Variants in ARHGAP39 observed in about 807,000 individuals in gnomAD.
ARHGAP39 encodes Rho GTPase activating protein 39, also known as rho GTPase-activating protein 39.
Under a neutral mutation model 106.9 loss-of-function variants are expected in ARHGAP39, and 44 were observed. The observed-to-expected ratio is 0.41, with a 90% confidence interval of 0.32 to 0.53. ARHGAP39 has a LOEUF of 0.53. Among genes scored for constraint, ARHGAP39 ranks in the 20% least tolerant of loss-of-function variants. The pLI, the probability that ARHGAP39 is intolerant of heterozygous loss-of-function variation, is 0.21. For synonymous variants in ARHGAP39, 768 were observed against 693.2 expected, an observed-to-expected ratio of 1.11 and a Z score of -1.69; for missense variants, 1,496 against 1,577.3, an observed-to-expected ratio of 0.95 and a Z score of 0.87.
intron 6 of ARHGAP39, among the ~76,000 whole-genome samples, chr8:144,539,139 G>C (rs1242042730): frequency 6.6e-6 from 1 of 152,178 alleles, no homozygotes; most frequent in Admixed American, 6.5e-5. Flanking sequence ...GGTGTGCGAT[G>C]TGCTTACTGC....
intron 3 of ARHGAP39, among the ~76,000 whole-genome samples, chr8:144,565,224 G>A (rs1364978803): frequency 6.6e-6 from 1 of 152,090 alleles, no homozygotes; most frequent in Non-Finnish European, 1.5e-5. Flanking sequence ...GCTGCAGTGA[G>A]CCGAGCCTGC....
the ARHGAP39 span, among the ~76,000 whole-genome samples, chr8:144,696,987 T>C: frequency 6.6e-6 from 1 of 152,198 alleles, no homozygotes; most frequent in Non-Finnish European, 1.5e-5. Context: ...AATATTTTCA[T>C]ATATGTTATG....
At chr8:144,558,482 G>T (rs1422578115) in intron 3 of ARHGAP39, among the ~76,000 whole-genome samples, 1 of 151,964 alleles carries the variant, frequency 6.6e-6, no homozygotes, top group African/African-American at 2.4e-5. Context: ...TATTAGAGAC[G>T]GGGTTTTGCC....
At position 144,627,999 on chromosome 8, in the gene ARHGAP39, T is replaced by C. The variant is rs115684337; in HGVS notation, c.-81-22304A>G. 8.7e-3 allele frequency among the ~76,000 whole-genome samples: 1,329 copies of C among 152,254 alleles called. 15 individuals carry two copies. Among genetic ancestry groups the C allele is most frequent in the African/African-American group, 0.031 (1,282 of 41,556 alleles). ...CCCAGCTGCATGCAGACCAATGCAG[T>C]GGGCTGGGGGCCGTGTTCCCCAGGA... On this transcript the variant is annotated intron_variant, in intron 1 of 11. Transcript: ENST00000377307.
In ARHGAP39 at chr8:144,670,326, G is replaced by A. The variant is rs961101522; in HGVS notation, c.-82+15360C>T. 6.6e-6 allele frequency among the ~76,000 whole-genome samples: 1 copy of A among 152,214 alleles called. No individual in the cohort carries two copies. Among genetic ancestry groups the A allele is most frequent in the Non-Finnish European group, 1.5e-5 (1 of 68,044 alleles). ...GAAGCAGGATCAGCACCTGGGACCA[G>A]GAGGCTGTGCCCGGGTTCACCACAC... On this transcript the variant is annotated intron_variant, in intron 1 of 11. Transcript: ENST00000377307. This position sits in a 1 kb window ranked among gnomAD's most constrained non-coding sequence, Gnocchi z 4.4.
intron 1 of ARHGAP39, among the ~76,000 whole-genome samples, chr8:144,665,080 G>A (rs1330088733): frequency 6.6e-6 from 1 of 152,232 alleles, no homozygotes; most frequent in Non-Finnish European, 1.5e-5. Flanking sequence ...GGTGGTCTCA[G>A]ATGGAGATAA....
At position 144,604,226 on chromosome 8, in the gene ARHGAP39, G is replaced by A. The variant is rs904870522; in HGVS notation, c.80+1309C>T. ...CAGCTGCACCTCGGGGGGTGCGGGC[G>A]AGGCCTCTGTCGGGGTCAGAGGTCA... On this transcript the variant is annotated intron_variant, in intron 2 of 11. Coordinates refer to ENST00000377307, the MANE Select transcript of ARHGAP39 (RefSeq NM_025251.3). This position sits in a 1 kb window ranked among gnomAD's most constrained non-coding sequence, Gnocchi z 4.1. 6.6e-5 allele frequency among the ~76,000 whole-genome samples: 10 copies of A among 152,200 alleles called. No individual in the cohort carries two copies. Among genetic ancestry groups the A allele is most frequent in the Non-Finnish European group, 1.5e-5 (1 of 68,036 alleles).
chr8:144,597,067 C>A (rs1328924567), intron 2 of ARHGAP39, among the ~76,000 whole-genome samples: 1 of 152,210 alleles, frequency 6.6e-6, no homozygotes, highest in Non-Finnish European at 1.5e-5. Flanking sequence ...TCCCTCTGGG[C>A]CTTGACATCC....
At chr8:144,680,532 G>A (rs1042053850) in intron 1 of ARHGAP39, among the ~76,000 whole-genome samples, 3 of 152,286 alleles carry the variant, frequency 2.0e-5, no homozygotes, top group Middle Eastern at 3.4e-3. Context: ...ATCCGTAGCA[G>A]ATTTTTTCTT....
At chr8:144,582,616 C>T (rs940959389) in intron 2 of ARHGAP39, among the ~76,000 whole-genome samples, 5 of 152,210 alleles carry the variant, frequency 3.3e-5, no homozygotes, top group South Asian at 2.1e-4. Context: ...GGACAGTCCA[C>T]GTGGGGCCAT....
chr8:144,644,846 G>A lies in ARHGAP39; in HGVS notation c.-81-39151C>T, dbSNP rs1280654205. 1.3e-5 allele frequency among the ~76,000 whole-genome samples: 2 copies of A among 152,328 alleles called. No individual in the cohort carries two copies. Among genetic ancestry groups the A allele is most frequent in the East Asian group, 1.9e-4 (1 of 5,180 alleles). On this transcript the variant is annotated intron_variant, in intron 1 of 11. Coordinates refer to ENST00000377307, the MANE Select transcript of ARHGAP39 (RefSeq NM_025251.3). The surrounding 1 kb of genome is among the most constrained non-coding windows in gnomAD (Gnocchi z 4.8). ...AGCCCTGTACCTTCACCCTACACCT[G>A]AGCCCCTTCCTCAGGAGCTGTGCTG... is the stretch of plus-strand genomic sequence containing the variant.
intron 1 of ARHGAP39, among the ~76,000 whole-genome samples, chr8:144,626,752 G>A (rs1390202190): frequency 6.6e-6 from 1 of 152,218 alleles, no homozygotes; most frequent in Admixed American, 6.5e-5. Context: ...CTCCTACCGG[G>A]GACACGCCCG....
chr8:144,529,365 A>G lies in ARHGAP39; in HGVS notation c.*1057T>C, dbSNP rs970801955. 6.5e-6 allele frequency: 1 copy of G among 153,330 alleles called. No homozygotes were observed. The highest frequency in any genetic ancestry group is 2.4e-5 in the African/African-American group (1 of 41,478). 9.5% of individuals were successfully genotyped at this position (153,330 alleles called of 1,614,324 possible). On this transcript the variant is annotated 3_prime_UTR_variant, in exon 12 of 12. Transcript: ENST00000377307. ...AAACGGAACTCTAAAAAATATATAT[A>G]TAAAAACTGGGGAGAAATTAAGTTT...
chr8:144,580,994 T>C lies in ARHGAP39; in HGVS notation c.364A>G (p.Ser122Gly), dbSNP rs1818964103. 2 of 1,596,266 alleles carry C rather than the reference T, an allele frequency of 1.3e-6. No individual in the cohort carries two copies. Among genetic ancestry groups the C allele is most frequent in the Non-Finnish European group, 1.7e-6 (2 of 1,172,272 alleles). ...ACGCTGCTGCCGCGCCCGGGGCTGC[T>C]CTCCGCCGAGGCGCGCGGGGACTCC... The part of the protein sequence containing the change: ...NTESPRASAE[S>G]SPGRGSSVSR... Residue 122 changes from serine to glycine, a missense_variant, in exon 3 of 12, where the codon AGC becomes GGC. By Grantham distance (56) the Ser-to-Gly change is moderately conservative. Around this residue, in one of 4 missense-constraint regions of ARHGAP39, gnomAD observed 905 missense variants for 816.4 expected, o/e 1.11. Coordinates refer to ENST00000377307, the MANE Select transcript of ARHGAP39 (RefSeq NM_025251.3).
intron 2 of ARHGAP39, among the ~76,000 whole-genome samples, chr8:144,582,887 G>GT (rs1017287941): frequency 4.6e-5 from 7 of 152,202 alleles, no homozygotes; most frequent in Non-Finnish European, 7.3e-5. Context: ...AGGCGAGGTG[G>GT]TGGGGGTCCT....
At chr8:144,615,965 A>G (rs1820624949) in intron 1 of ARHGAP39, among the ~76,000 whole-genome samples, 1 of 152,220 alleles carries the variant, frequency 6.6e-6, no homozygotes, top group Non-Finnish European at 1.5e-5. Flanking sequence ...TCAGCAAGCC[A>G]TGGAATGGAC....
At chr8:144,698,953 AC>A in the ARHGAP39 span, 1 of 445,320 alleles carries the variant, frequency 2.2e-6, no homozygotes, top group Non-Finnish European at 4.5e-6. Flanking sequence ...ACGGCCTGCA[AC>A]CCCAGTGAGA....
At chr8:144,560,200 A>G (rs1586905583) in intron 3 of ARHGAP39, among the ~76,000 whole-genome samples, 1 of 152,366 alleles carries the variant, frequency 6.6e-6, no homozygotes, top group African/African-American at 2.4e-5. Flanking sequence ...TTGGGAGGCC[A>G]AGGTGAGTGG....
chr8:144,648,206 C>T (rs746186456), intron 1 of ARHGAP39, among the ~76,000 whole-genome samples: 2 of 152,150 alleles, frequency 1.3e-5, no homozygotes, highest in Admixed American at 6.5e-5. Flanking sequence ...CTGATTTCCC[C>T]AGCAGAAGCC....
Sources: allele counts gnomAD v4.1 joint callset (sites outside exome capture counted in the v4.1 genomes callset), GRCh38; gene constraint gnomAD v4.1.1; regional missense constraint gnomAD v4.1.1; non-coding constraint Gnocchi (gnomAD v3.1); transcripts MANE v1.5; gene names NCBI Gene and HGNC (gene_info 2026-07-23, HGNC 2026-07-21).